LTBP2: variants seen among roughly 807,000 people sequenced by gnomAD.
LTBP2 encodes the protein latent-transforming growth factor beta-binding protein 2.
LTBP2 carries 103 observed loss-of-function variants against 210.6 expected under a neutral mutation model. The ratio of observed to expected loss-of-function variants is 0.49; its 90% confidence interval spans 0.42 to 0.58. The LOEUF (loss-of-function observed/expected upper bound fraction) is 0.58. LTBP2 is among the 20% of genes least tolerant of loss of function. The pLI, the probability that LTBP2 is intolerant of heterozygous loss-of-function variation, is 0.00. For synonymous variants in LTBP2, 1,007 were observed against 1,015.0 expected, an observed-to-expected ratio of 0.99 and a Z score of 0.15; for missense variants, 2,313 against 2,494.5, an observed-to-expected ratio of 0.93 and a Z score of 1.55.
intron 2 of LTBP2, among the ~76,000 whole-genome samples, chr14:74,598,140 G>A (rs1318069596): frequency 6.6e-6 from 1 of 152,176 alleles, no homozygotes; most frequent in Non-Finnish European, 1.5e-5. Flanking sequence ...TTGAACTCAG[G>A]GAGCCTGACT....
chr14:74,517,167 G>C (rs1401794101), intron 17 of LTBP2, among the ~76,000 whole-genome samples: 2 of 152,182 alleles, frequency 1.3e-5, no homozygotes, highest in Non-Finnish European at 2.9e-5. Flanking sequence ...CTTTCTCTCA[G>C]GGGAGTCTAC....
At chr14:74,509,964 G>A in intron 20 of LTBP2, 105 bp from the exon 21 acceptor site, 1 of 1,609,570 alleles carries the variant, frequency 6.2e-7, no homozygotes. Flanking sequence ...GCAGGGATGT[G>A]TTGGGTCAGT....
At chr14:74,511,514 C>A in intron 18 of LTBP2, 150 bp from the exon 19 acceptor site, 2 of 990,448 alleles carry the variant, frequency 2.0e-6, no homozygotes, top group Non-Finnish European at 1.6e-6. Flanking sequence ...CCTGTGTTCC[C>A]AACTCCACCT....
At chr14:74,570,725 C>T (rs11627650) in intron 3 of LTBP2, among the ~76,000 whole-genome samples, 68,906 of 152,036 alleles carry the variant, frequency 0.45, 16,841 homozygotes, top group Non-Finnish European at 0.56. Context: ...AGGGAGCCTG[C>T]TAACTTGCCC....
chr14:74,545,741 A>G (rs947694981), intron 8 of LTBP2, among the ~76,000 whole-genome samples: 4 of 152,190 alleles, frequency 2.6e-5, no homozygotes, highest in African/African-American at 9.7e-5. Context: ...TGTTCTCCAG[A>G]CTCTGGCAGG....
chr14:74,529,262 G>A (rs2087319931), intron 10 of LTBP2, 140 bp from the exon 11 acceptor site: 2 of 1,006,172 alleles, frequency 2.0e-6, no homozygotes, highest in Admixed American at 4.0e-5. Context: ...GAAGTTTGGA[G>A]CCCTGCAAAT....
chr14:74,504,377 G>A (rs2086955903), intron 30 of LTBP2, among the ~76,000 whole-genome samples: 1 of 152,212 alleles, frequency 6.6e-6, no homozygotes, highest in African/African-American at 2.4e-5. Flanking sequence ...GCAGTACCTG[G>A]ACCATCCTAC....
chr14:74,586,933 G>C lies in LTBP2; in HGVS notation c.566-815C>G, dbSNP rs946657547. ...AGGCTCTCTCTGGATTCTGCCTCCT[G>C]GGCTGTGGGTCCAGCCGGAGGCAAG... On this transcript the variant is annotated intron_variant, in intron 2 of 35. Transcript: ENST00000261978. The surrounding 1 kb of genome is among the most constrained non-coding windows in gnomAD (Gnocchi z 4.6). Among the ~76,000 whole-genome samples the C allele has an allele frequency of 6.6e-5, 10 of 152,192 alleles. No individual in the cohort carries two copies. Among genetic ancestry groups the C allele is most frequent in the African/African-American group, 2.2e-4 (9 of 41,440 alleles).
At chr14:74,507,834 C>T (rs1053858600) in intron 25 of LTBP2, 139 bp downstream of exon 25, 1 of 1,155,474 alleles carries the variant, frequency 8.7e-7, no homozygotes, top group Non-Finnish European at 1.3e-6. Context: ...AGCCCCTGAG[C>T]CCTGAGTCTC....
At chr14:74,596,055 G>A (rs1475862017) in intron 2 of LTBP2, among the ~76,000 whole-genome samples, 2 of 151,686 alleles carry the variant, frequency 1.3e-5, no homozygotes, top group East Asian at 1.9e-4. Context: ...TAGTCAAAAC[G>A]TCTCTATAAA....
At chr14:74,591,424 G>T (rs145725490) in intron 2 of LTBP2, among the ~76,000 whole-genome samples, 1 of 152,324 alleles carries the variant, frequency 6.6e-6, no homozygotes, top group Non-Finnish European at 1.5e-5. Flanking sequence ...CCAGCCAGAC[G>T]TGTTGGTGGG....
chr14:74,546,020 G>A (rs1026014769), intron 8 of LTBP2, among the ~76,000 whole-genome samples: 1 of 152,184 alleles, frequency 6.6e-6, no homozygotes, highest in Non-Finnish European at 1.5e-5. Flanking sequence ...CAGGAATAGT[G>A]GCATTCTGTT....
intron 25 of LTBP2, 112 bp downstream of exon 25, chr14:74,507,861 G>T: frequency 6.9e-7 from 1 of 1,448,174 alleles, no homozygotes; most frequent in Non-Finnish European, 9.6e-7. Flanking sequence ...TACACTATTT[G>T]TTGGACACTT....
chr14:74,538,873 G>A (rs2087456694), intron 8 of LTBP2, among the ~76,000 whole-genome samples: 1 of 152,252 alleles, frequency 6.6e-6, no homozygotes, highest in African/African-American at 2.4e-5. Flanking sequence ...AAAACGCTGA[G>A]AAGGAGATGG....
chr14:74,596,208 G>A (rs971752535), intron 2 of LTBP2, among the ~76,000 whole-genome samples: 26 of 150,530 alleles, frequency 1.7e-4, no homozygotes, highest in African/African-American at 5.6e-4. Flanking sequence ...CTGGGTGACA[G>A]AGCCAGATGC....
chr14:74,509,284 G>A lies in LTBP2; in HGVS notation c.3357C>T (p.Asp1119=). The change falls in exon 22 of 36, where the codon GAC becomes GAT. Residue 1119 remains aspartate, a synonymous_variant. Transcript: ENST00000261978. ...TNTAGSFSCK[D]CDGGYRPSPL... ...GGCTGGGCCGGTAGCCCCCATCGCAGTCCTTGCAGGAGAAGGAGCCAGCCG... is the reference window on the plus strand; with the variant it reads ...GGCTGGGCCGGTAGCCCCCATCGCAATCCTTGCAGGAGAAGGAGCCAGCCG... 6.2e-7 allele frequency: 1 copy of A among 1,613,684 alleles called. No individual in the cohort carries two copies. Among genetic ancestry groups the A allele is most frequent in the Non-Finnish European group, 8.5e-7 (1 of 1,179,996 alleles).
chr14:74,502,519 C>T (rs372616067), intron 34 of LTBP2, 134 bp downstream of exon 34: 13 of 1,250,674 alleles, frequency 1.0e-5, no homozygotes, highest in Admixed American at 1.8e-5. Flanking sequence ...GAGCCGTGAA[C>T]GGGGACCTCT....
chr14:74,552,237 TC>T lies in LTBP2; in HGVS notation c.1348del (p.Glu450LysfsTer4). On this transcript the variant is annotated frameshift_variant, in exon 6 of 36. Coordinates refer to ENST00000261978, the MANE Select transcript of LTBP2 (RefSeq NM_000428.3). LOFTEE classifies it high-confidence loss of function. ...GRGSRPRALL[E>X]APLKQSTFTL... ...GAAAGTGGACTGCTTCAGTGGGGCT[TC>T]CAGCAAGGCCCTGGGGCGGGACCCC... is the stretch of plus-strand genomic sequence containing the variant. 1 of 1,612,828 alleles carries T rather than the reference TC, an allele frequency of 6.2e-7. No homozygotes were observed. Among genetic ancestry groups the T allele is most frequent in the Non-Finnish European group, 8.5e-7 (1 of 1,179,816 alleles).
chr14:74,609,534 C>T lies in LTBP2; in HGVS notation c.494+1917G>A, dbSNP rs140752454. The stretch of plus-strand genomic sequence containing the variant: ...AGCTATGTCTCTAGGTTCCCCTACA[C>T]CAAAGCTGCAGTGCTACCCCTGGGC... On this transcript the variant is annotated intron_variant, in intron 1 of 35. Transcript: ENST00000261978. Among the ~76,000 whole-genome samples the T allele has an allele frequency of 2.1e-3, 327 of 152,290 alleles. 2 individuals are homozygous for T. The highest frequency in any genetic ancestry group is 7.3e-3 in the African/African-American group (302 of 41,544).
Sources: gnomAD v4.1 joint callset for allele counts (sites outside exome capture counted in the v4.1 genomes callset) on GRCh38, gnomAD v4.1.1 for gene constraint, Gnocchi (gnomAD v3.1) non-coding constraint, MANE v1.5 for transcripts, NCBI Gene and HGNC (gene_info 2026-07-23, HGNC 2026-07-21) for gene names.